RTL9: variants seen among roughly 807,000 people sequenced by gnomAD.
The protein encoded by RTL9 is retrotransposon Gag-like protein 9.
A neutral mutation model predicts 44.7 loss-of-function variants in RTL9; 19 were observed. The ratio of observed to expected loss-of-function variants is 0.42; its 90% CI spans 0.30 to 0.62. RTL9 has a LOEUF of 0.62. Ranked by LOEUF, RTL9 falls within the 20% of genes least tolerant of loss-of-function variation. The pLI is 0.16. For synonymous variants in RTL9, 407 were observed against 398.9 expected, an observed-to-expected ratio of 1.02 and a Z score of -0.24; for missense variants, 1,105 against 1,080.6, an observed-to-expected ratio of 1.02 and a Z score of -0.32.
intron 1 of RTL9, among the ~76,000 whole-genome samples, chrX:110,440,716 G>A (rs780394946): frequency 4.6e-4 from 52 of 112,913 alleles, no homozygotes; most frequent in Middle Eastern, 4.6e-3. Context: ...ATTGCTCCAT[G>A]TCTGATGAAA....
At chrX:110,406,853 A>G (rs2068606030) in intron 1 of RTL9, among the ~76,000 whole-genome samples, 1 of 111,992 alleles carries the variant, frequency 8.9e-6, no homozygotes, top group East Asian at 2.8e-4. Flanking sequence ...TGGATGTTTC[A>G]TGCAATAGTT....
chrX:110,397,810 G>C (rs147936100), intron 1 of RTL9, among the ~76,000 whole-genome samples: 4,645 of 111,532 alleles, frequency 0.042, 134 homozygotes, highest in African/African-American at 0.096. Flanking sequence ...GACTTGGGGG[G>C]GCAAACAGGC....
At chrX:110,382,938 G>T (rs1196885943) in intron 1 of RTL9, among the ~76,000 whole-genome samples, 1 of 111,969 alleles carries the variant, frequency 8.9e-6, no homozygotes, top group Non-Finnish European at 1.9e-5. Flanking sequence ...TTCTTTGGTG[G>T]CCCATGGCCT....
intron 1 of RTL9, among the ~76,000 whole-genome samples, chrX:110,425,769 T>TTTGAAGAC (rs2068748756): frequency 8.9e-6 from 1 of 112,431 alleles, no homozygotes; most frequent in South Asian, 3.7e-4. Flanking sequence ...ATATAGCTGG[T>TTTGAAGAC]TGGAGCTGGA....
chrX:110,391,673 G>T (rs2068494440), intron 1 of RTL9, among the ~76,000 whole-genome samples: 2 of 111,929 alleles, frequency 1.8e-5, no homozygotes, highest in Admixed American at 9.5e-5. Context: ...AATCAAAGAG[G>T]CATCTAAGTT....
chrX:110,448,160 T>C (rs2068918734), upstream of RTL9, among the ~76,000 whole-genome samples: 1 of 111,598 alleles, frequency 9.0e-6, no homozygotes, highest in Non-Finnish European at 1.9e-5. Flanking sequence ...TAAATTGTCT[T>C]CGTTATGATC....
At chrX:110,381,678 C>T (rs1490342892) in intron 1 of RTL9, among the ~76,000 whole-genome samples, 1 of 111,386 alleles carries the variant, frequency 9.0e-6, no homozygotes, top group East Asian at 2.8e-4. Context: ...AACATAGGTG[C>T]CCATTGATAG....
Position 110,363,127 on chromosome X carries a change from G to T in RTL9, c.-168+4211G>T, listed in dbSNP as rs185072183. 3.6e-5 allele frequency among the ~76,000 whole-genome samples: 4 copies of T among 111,969 alleles called. No homozygotes were observed. In the Admixed American group the frequency reaches 3.8e-4, roughly 11 times the overall value. ...GGCAGTACCTACAAAGATGAATAGG[G>T]CATGATCTCCTTGGCCTTCCAGAGG... is the stretch of plus-strand genomic sequence containing the variant. On this transcript the variant is annotated intron_variant, in intron 1 of 2. Transcript: ENST00000520821.
At chrX:110,377,502 T>C (rs1415824399) in intron 1 of RTL9, among the ~76,000 whole-genome samples, 2 of 112,039 alleles carry the variant, frequency 1.8e-5, no homozygotes, top group Non-Finnish European at 3.8e-5. Flanking sequence ...AGCACTCCAA[T>C]CAAACTATTA....
chrX:110,378,857 C>T (rs1380854621), intron 1 of RTL9, among the ~76,000 whole-genome samples: 2 of 111,124 alleles, frequency 1.8e-5, no homozygotes, highest in Non-Finnish European at 3.8e-5. Flanking sequence ...ACATTAACCT[C>T]TCCTAACAGC....
At chrX:110,452,494 C>A (rs372259327) in exon 1 of RTL9, 1 of 1,211,337 alleles carries the variant, frequency 8.3e-7, no homozygotes, top group South Asian at 1.8e-5. Flanking sequence ...GCCTCAGGAA[C>A]GATGTTCACG....
At chrX:110,410,792 T>G (rs1354033019) in intron 1 of RTL9, among the ~76,000 whole-genome samples, 1 of 111,742 alleles carries the variant, frequency 8.9e-6, no homozygotes, top group Non-Finnish European at 1.9e-5. Context: ...AGATATGTCG[T>G]AGCTGGGGCC....
At chrX:110,406,550 AGTGCC>A (rs1341317552) in intron 1 of RTL9, among the ~76,000 whole-genome samples, 1 of 112,093 alleles carries the variant, frequency 8.9e-6, no homozygotes, top group East Asian at 2.8e-4. Context: ...TATTGTGAAT[AGTGCC>A]GCAATAAACA....
At chrX:110,381,543 A>G in intron 1 of RTL9, among the ~76,000 whole-genome samples, 1 of 112,087 alleles carries the variant, frequency 8.9e-6, no homozygotes, top group Non-Finnish European at 1.9e-5. Context: ...AAATAGAAAT[A>G]CCATTTGATC....
exon 1 of RTL9, chrX:110,450,679 C>T: frequency 8.3e-7 from 1 of 1,210,889 alleles, no homozygotes; most frequent in East Asian, 3.0e-5. Flanking sequence ...AATGTTGAGC[C>T]CCAAAACAAG....
At chrX:110,389,759 A>T (rs868058473) in intron 1 of RTL9, among the ~76,000 whole-genome samples, 1 of 110,674 alleles carries the variant, frequency 9.0e-6, no homozygotes, top group Admixed American at 9.7e-5. Flanking sequence ...AGAGGAAGGG[A>T]TGAAAGGAGG....
chrX:110,400,309 A>G (rs779061967), intron 1 of RTL9, among the ~76,000 whole-genome samples: 1 of 107,018 alleles, frequency 9.3e-6, no homozygotes, highest in Non-Finnish European at 1.9e-5. Flanking sequence ...TTATTTATCT[A>G]CCTATATTCA....
chrX:110,380,716 A>C (rs2068413024), intron 1 of RTL9, among the ~76,000 whole-genome samples: 1 of 112,709 alleles, frequency 8.9e-6, no homozygotes, highest in Admixed American at 9.4e-5. Flanking sequence ...TACAGGAACC[A>C]AAACAGCATG....
chrX:110,441,367 A>G (rs1331585264), intron 1 of RTL9, among the ~76,000 whole-genome samples: 4 of 111,969 alleles, frequency 3.6e-5, no homozygotes, highest in African/African-American at 9.8e-5. Flanking sequence ...TGGCGAGCCC[A>G]AGACATCCCA....
Sources: gnomAD v4.1 joint callset for allele counts (sites outside exome capture counted in the v4.1 genomes callset) on GRCh38, gnomAD v4.1.1 for gene constraint, MANE v1.5 for transcripts, NCBI Gene and HGNC (gene_info 2026-07-23, HGNC 2026-07-21) for gene names.